SP100: variants seen among roughly 807,000 people sequenced by gnomAD.
SP100 encodes SP100 nuclear body protein, also known as nuclear autoantigen Sp-100.
Under a neutral mutation model 130.0 loss-of-function variants are expected in SP100, and 84 were observed. The observed-to-expected ratio is 0.65, with a 90% CI of 0.54 to 0.77. SP100 has a LOEUF of 0.77. Among genes scored for constraint, SP100 ranks in the 30% least tolerant of loss-of-function variants. The pLI is 0.00. For missense variants in SP100, 978 were observed against 1,052.2 expected (o/e 0.93, Z 0.97); for synonymous variants, 331 against 351.7 (o/e 0.94, Z 0.66).
intron 19 of SP100, among the ~76,000 whole-genome samples, 188 bp from the exon 20 acceptor site, chr2:230,502,876 AAC>A (rs2150065806): frequency 6.6e-6 from 1 of 152,310 alleles, no homozygotes; most frequent in African/African-American, 2.4e-5. Context: ...GAGTAGTCAC[AAC>A]AGAGGTTATG....
chr2:230,467,123 T>G lies in SP100; in HGVS notation c.1199T>G (p.Ile400Arg), dbSNP rs777215383. The change falls in exon 13 of 29, where the codon ATA (isoleucine) becomes AGA (arginine). Residue 400 changes from isoleucine to arginine, a missense_variant. Transcript: ENST00000340126. ...TFRESFKKRV[I>R]GQDHDFSESS... is the part of the protein sequence containing the mutation. The stretch of plus-strand genomic sequence containing the variant: ...GGACATTTGCTCCTTTCTGCAGTGA[T>G]AGGACAAGACCACGACTTTTCAGAA... 2 of 1,612,192 alleles carry G rather than the reference T, an allele frequency of 1.2e-6. No homozygotes were observed. Among genetic ancestry groups the G allele is most frequent in the African/African-American group, 2.7e-5 (2 of 74,874 alleles).
At chr2:230,424,356 T>C (rs1575586337) in intron 2 of SP100, among the ~76,000 whole-genome samples, 1 of 152,058 alleles carries the variant, frequency 6.6e-6, no homozygotes, top group Non-Finnish European at 1.5e-5. Context: ...AATGAAGTCA[T>C]GGAATATTAC....
rs191703771 is a variant in SP100 at position 230,513,282 on chromosome 2, A to T, written c.2094+2116A>T. Reference sequence around the variant, plus strand: ...GCAACATGCAGGCTCAAATGTATCCATGCAAGACAATCAGTAAAACTCTAA... The same window carrying T: ...GCAACATGCAGGCTCAAATGTATCCTTGCAAGACAATCAGTAAAACTCTAA... On this transcript the variant is annotated intron_variant, in intron 24 of 28. Transcript: ENST00000340126. 7.5e-4 allele frequency among the ~76,000 whole-genome samples: 115 copies of T among 152,334 alleles called. 1 individual carries two copies. The highest frequency in any genetic ancestry group is 2.7e-3 in the African/African-American group (111 of 41,578).
chr2:230,497,467 A>AGGAGGGGAGGGGAGG (rs1337909137), intron 18 of SP100, among the ~76,000 whole-genome samples: 1 of 97,558 alleles, frequency 1.0e-5, no homozygotes, highest in African/African-American at 4.2e-5. Flanking sequence ...GATGAAGGGA[A>AGGAGGGGAGGGGAGG]GGAGGGGAGG....
chr2:230,456,484 T>C (rs1462965974), intron 8 of SP100, among the ~76,000 whole-genome samples: 2 of 152,214 alleles, frequency 1.3e-5, no homozygotes, highest in African/African-American at 4.8e-5. Context: ...TATACTATTA[T>C]CTCTTTAAAT....
At chr2:230,511,070 G>A in intron 23 of SP100, 55 bp from the exon 24 acceptor site, 1 of 1,162,102 alleles carries the variant, frequency 8.6e-7, no homozygotes, top group Non-Finnish European at 1.3e-6. Context: ...TCAAATGTGG[G>A]GTTAATGAAA....
chr2:230,451,185 C>G (rs1457412190), intron 8 of SP100, among the ~76,000 whole-genome samples: 1 of 152,120 alleles, frequency 6.6e-6, no homozygotes, highest in Admixed American at 6.5e-5. Flanking sequence ...ATGGGTAGTT[C>G]TACTTTTTAT....
At chr2:230,443,608 A>G (rs1447939255) in intron 3 of SP100, among the ~76,000 whole-genome samples, 1 of 152,170 alleles carries the variant, frequency 6.6e-6, no homozygotes, top group African/African-American at 2.4e-5. Context: ...TTCTTTCTCC[A>G]ACACATTTGT....
At chr2:230,462,670 T>C in intron 10 of SP100, 152 bp downstream of exon 10, 1 of 646,390 alleles carries the variant, frequency 1.5e-6, no homozygotes, top group South Asian at 1.7e-5. Context: ...TTGACCTTTT[T>C]GGAAAATGCA....
At chr2:230,449,401 T>C (rs1177623747) in intron 6 of SP100, 160 bp from the exon 7 acceptor site, 1 of 852,520 alleles carries the variant, frequency 1.2e-6, no homozygotes, top group Admixed American at 2.0e-5. Context: ...GTTTTACCCA[T>C]GTGCCTGCTT....
intron 23 of SP100, 173 bp from the exon 24 acceptor site, chr2:230,510,952 A>T: frequency 1.5e-6 from 1 of 648,928 alleles, no homozygotes; most frequent in East Asian, 2.7e-5. Context: ...TCACTGACAC[A>T]TAATTTAGTG....
chr2:230,485,197 C>T (rs1448555691), intron 17 of SP100, among the ~76,000 whole-genome samples: 1 of 152,134 alleles, frequency 6.6e-6, no homozygotes, highest in East Asian at 1.9e-4. Context: ...AAATGATACA[C>T]CCATCTTAGC....
chr2:230,515,798 G>A, intron 24 of SP100: 2 of 1,456,588 alleles, frequency 1.4e-6, no homozygotes, highest in Admixed American at 5.3e-5. Flanking sequence ...ACTACCGAAT[G>A]TGTCTTCAGA....
chr2:230,483,847 T>G (rs1194013817), intron 17 of SP100, among the ~76,000 whole-genome samples: 1 of 152,188 alleles, frequency 6.6e-6, no homozygotes, highest in Non-Finnish European at 1.5e-5. Context: ...CTAGTAGAAA[T>G]ACAGAATAAG....
chr2:230,491,245 C>T (rs4973326), intron 17 of SP100, among the ~76,000 whole-genome samples: 59,378 of 152,080 alleles, frequency 0.39, 13,035 homozygotes, highest in South Asian at 0.57. Context: ...CTGGGCTGCA[C>T]GGATTCCTCA....
chr2:230,506,017 C>T (rs1375406439), intron 21 of SP100, among the ~76,000 whole-genome samples: 1 of 152,164 alleles, frequency 6.6e-6, no homozygotes, highest in East Asian at 1.9e-4. Context: ...TCTTTGCACC[C>T]ACCCCCACCT....
At chr2:230,424,579 G>T (rs940991406) in intron 2 of SP100, among the ~76,000 whole-genome samples, 1 of 150,192 alleles carries the variant, frequency 6.7e-6, no homozygotes, top group South Asian at 2.1e-4. Flanking sequence ...GAGGCAGGGA[G>T]AATTGCTTGA....
In SP100 at chr2:230,442,968, A is replaced by C. The variant is rs747424642; in HGVS notation, c.139A>C (p.Arg47=). 2 of 1,613,416 alleles carry C rather than the reference A, an allele frequency of 1.2e-6. No individual in the cohort carries two copies. The highest frequency in any genetic ancestry group is 1.7e-6 in the Non-Finnish European group (2 of 1,179,714). ...CACGGAAGACCAGGGTGTAGATGAC[A>C]GGCTGCTCTATGACATTGTATTCAA... ...MFTEDQGVDD[R]LLYDIVFKHF... Residue 47 remains arginine (R), a synonymous_variant, in exon 3 of 29, where the codon AGG becomes CGG. Coordinates refer to ENST00000340126, the MANE Select transcript of SP100 (RefSeq NM_001080391.2).
chr2:230,468,679 G>A (rs947081116), intron 13 of SP100, among the ~76,000 whole-genome samples: 1 of 151,970 alleles, frequency 6.6e-6, no homozygotes, highest in Non-Finnish European at 1.5e-5. Context: ...GCTGGGCATG[G>A]TGGTGGTGCA....
Sources: gnomAD v4.1 joint callset for allele counts (sites outside exome capture counted in the v4.1 genomes callset) on GRCh38, gnomAD v4.1.1 for gene constraint, MANE v1.5 for transcripts, NCBI Gene and HGNC (gene_info 2026-07-23, HGNC 2026-07-21) for gene names.